Variants in FARS2 observed in about 807,000 individuals in gnomAD.
FARS2 encodes phenylalanyl-tRNA synthetase 2, mitochondrial.
In FARS2, 40 loss-of-function variants were observed where a neutral mutation model predicts 46.4. The observed-to-expected ratio is 0.86, with a 90% CI of 0.67 to 1.12. The LOEUF is 1.12. Ranked by LOEUF, FARS2 falls within the 50% of genes most tolerant of loss-of-function variation. The pLI, the probability that FARS2 is intolerant of heterozygous loss-of-function variation, is 0.00. For synonymous variants in FARS2, 234 were observed against 214.9 expected, an observed-to-expected ratio of 1.09 and a Z score of -0.78; for missense variants, 513 against 567.9, an observed-to-expected ratio of 0.90 and a Z score of 0.98.
chr6:5,588,708 C>T (rs927057889), intron 5 of FARS2, among the ~76,000 whole-genome samples: 4 of 152,216 alleles, frequency 2.6e-5, no homozygotes, highest in African/African-American at 9.7e-5. Context: ...TGCTTCCTAA[C>T]CAGTAATCAC....
chr6:5,341,219 ATATATATATATATATATTTTTTTTT>A (rs1771586113), intron 1 of FARS2, among the ~76,000 whole-genome samples: 1 of 5,002 alleles, frequency 2.0e-4, no homozygotes, highest in South Asian at 7.4e-3. Flanking sequence ...ATATATATAT[ATATATATATATATATATTTTTTTTT>A]TTTTTTTTTT....
intron 1 of FARS2, among the ~76,000 whole-genome samples, chr6:5,271,846 T>G (rs1331001929): frequency 6.6e-6 from 1 of 152,180 alleles, no homozygotes; most frequent in African/African-American, 2.4e-5. Flanking sequence ...TACTATTGTT[T>G]CTTCAACATT....
intron 6 of FARS2, among the ~76,000 whole-genome samples, chr6:5,617,883 A>G (rs976344015): frequency 1.3e-5 from 2 of 152,298 alleles, no homozygotes; most frequent in Non-Finnish European, 2.9e-5. Flanking sequence ...CCAAAGCAAA[A>G]CCTAGCTATT....
At chr6:5,546,469 C>G (rs564175681) in intron 5 of FARS2, among the ~76,000 whole-genome samples, 2 of 151,566 alleles carry the variant, frequency 1.3e-5, no homozygotes, top group East Asian at 2.0e-4. Context: ...CCAGGCTGGT[C>G]TCAAACTCCT....
intron 6 of FARS2, among the ~76,000 whole-genome samples, chr6:5,632,869 T>C (rs1776363125): frequency 6.6e-6 from 1 of 152,024 alleles, no homozygotes. Context: ...CTTAATATAT[T>C]CTCAACACTA....
At chr6:5,388,824 G>T (rs1760304693) in intron 2 of FARS2, among the ~76,000 whole-genome samples, 1 of 151,704 alleles carries the variant, frequency 6.6e-6, no homozygotes, top group African/African-American at 2.4e-5. Flanking sequence ...GTTGTCGGTG[G>T]GCAGTTGTCC....
At chr6:5,662,476 T>C (rs1777896356) in intron 6 of FARS2, among the ~76,000 whole-genome samples, 1 of 152,180 alleles carries the variant, frequency 6.6e-6, no homozygotes, top group Admixed American at 6.5e-5. Context: ...CGTTGCCGCT[T>C]GCATTTGGAA....
intron 3 of FARS2, among the ~76,000 whole-genome samples, chr6:5,410,598 A>G (rs1164214606): frequency 1.3e-5 from 2 of 152,198 alleles, no homozygotes; most frequent in African/African-American, 4.8e-5. Flanking sequence ...GGTGCCATCA[A>G]CCTGGATTAA....
intron 1 of FARS2, among the ~76,000 whole-genome samples, chr6:5,277,904 G>T (rs1251340519): frequency 2.6e-5 from 4 of 152,134 alleles, no homozygotes; most frequent in African/African-American, 9.7e-5. Flanking sequence ...TCCATTTTGG[G>T]TATCCTGACT....
intron 5 of FARS2, among the ~76,000 whole-genome samples, chr6:5,580,387 T>C (rs891079646): frequency 2.0e-5 from 3 of 151,604 alleles, no homozygotes; most frequent in African/African-American, 7.3e-5. Context: ...CTCTAGATTG[T>C]GTTACTCTCA....
At chr6:5,416,695 T>C (rs1311219393) in intron 3 of FARS2, among the ~76,000 whole-genome samples, 1 of 152,250 alleles carries the variant, frequency 6.6e-6, no homozygotes. Flanking sequence ...TTTTTTTCTT[T>C]GTTCTCTTAC....
At chr6:5,622,209 G>A (rs1188446214) in intron 6 of FARS2, among the ~76,000 whole-genome samples, 2 of 152,180 alleles carry the variant, frequency 1.3e-5, no homozygotes, top group Non-Finnish European at 2.9e-5. Context: ...GGAAGCCCTC[G>A]GCAGAGCAAT....
At chr6:5,297,602 C>T (rs940125550) in intron 1 of FARS2, among the ~76,000 whole-genome samples, 3 of 151,994 alleles carry the variant, frequency 2.0e-5, no homozygotes, top group Non-Finnish European at 2.9e-5. Flanking sequence ...GAGCCAAGAT[C>T]GTGCCATTGC....
At chr6:5,488,283 G>A (rs753615626) in intron 4 of FARS2, among the ~76,000 whole-genome samples, 6 of 152,152 alleles carry the variant, frequency 3.9e-5, no homozygotes, top group Non-Finnish European at 8.8e-5. Flanking sequence ...AAAGGCTATC[G>A]TTAGTCAGAT....
intron 6 of FARS2, among the ~76,000 whole-genome samples, chr6:5,615,759 G>T (rs1207706999): frequency 6.6e-6 from 1 of 152,088 alleles, no homozygotes; most frequent in Non-Finnish European, 1.5e-5. Flanking sequence ...GAGGTTGAGG[G>T]TTGGCATAGC....
intron 1 of FARS2, among the ~76,000 whole-genome samples, chr6:5,316,624 T>C (rs751798685): frequency 5.9e-5 from 9 of 152,140 alleles, no homozygotes; most frequent in Non-Finnish European, 1.3e-4. Context: ...TAAGCTGTAA[T>C]TGACGAATTG....
intron 2 of FARS2, among the ~76,000 whole-genome samples, chr6:5,375,198 G>A (rs548954280): frequency 6.6e-6 from 1 of 152,070 alleles, no homozygotes; most frequent in African/African-American, 2.4e-5. Flanking sequence ...TCAACTATTA[G>A]AACTTACAAG....
intron 6 of FARS2, among the ~76,000 whole-genome samples, chr6:5,621,502 A>G (rs1049785299): frequency 1.3e-5 from 2 of 152,208 alleles, no homozygotes; most frequent in East Asian, 1.9e-4. Flanking sequence ...AGTTTCTTGC[A>G]TGTAATTAAC....
intron 4 of FARS2, among the ~76,000 whole-genome samples, chr6:5,440,174 C>G (rs1763758977): frequency 6.6e-6 from 1 of 152,028 alleles, no homozygotes; most frequent in South Asian, 2.1e-4. Flanking sequence ...AAAATAGATT[C>G]TTTATAAAAT....
Sources: allele counts gnomAD v4.1 joint callset (sites outside exome capture counted in the v4.1 genomes callset), GRCh38; gene constraint gnomAD v4.1.1; transcripts MANE v1.5; gene names NCBI Gene and HGNC (gene_info 2026-07-23, HGNC 2026-07-21).